Variants in RBFOX3 observed in about 807,000 individuals in gnomAD.
RBFOX3 encodes the protein RNA binding protein fox-1 homolog 3.
Under a neutral mutation model 48.7 loss-of-function variants are expected in RBFOX3, and 17 were observed. The ratio of observed to expected loss-of-function variants is 0.35; its 90% confidence interval spans 0.24 to 0.52. The LOEUF (loss-of-function observed/expected upper bound fraction) is 0.52, where lower values mean the gene tolerates loss of function less well. Ranked by LOEUF, RBFOX3 falls within the 20% of genes least tolerant of loss-of-function variation. RBFOX3 has a pLI of 0.94. For missense variants in RBFOX3, 382 were observed against 497.5 expected, an observed-to-expected ratio of 0.77 and a Z score of 2.21; for synonymous variants, 212 against 209.5, an observed-to-expected ratio of 1.01 and a Z score of -0.10.
chr17:79,138,791 G>GC (rs200757329), intron 4 of RBFOX3, among the ~76,000 whole-genome samples: 7 of 16,346 alleles, frequency 4.3e-4, no homozygotes, highest in Non-Finnish European at 7.3e-4. Flanking sequence ...ATGCCTTCAC[G>GC]CCCCCTTACC....
At chr17:79,310,041 C>T (rs2076628631) in intron 2 of RBFOX3, among the ~76,000 whole-genome samples, 3 of 152,180 alleles carry the variant, frequency 2.0e-5, no homozygotes, top group Admixed American at 1.3e-4. Flanking sequence ...GGAGCTGCTG[C>T]GTGGTCTCCA....
In RBFOX3 at chr17:79,222,678, A is replaced by C. The variant is rs527397294; in HGVS notation, c.-34+13088T>G. ...TTGAGCCCCTCCTCCATGTCCCCCC[A>C]CACACAGCCTTGTCATTGCACATGG... On this transcript the variant is annotated intron_variant, in intron 4 of 14. Coordinates refer to ENST00000693108, the MANE Select transcript of RBFOX3 (RefSeq NM_001350451.2). Among the ~76,000 whole-genome samples the C allele has an allele frequency of 4.1e-3, 620 of 152,280 alleles. 4 individuals are homozygous for C. Among genetic ancestry groups the C allele is most frequent in the African/African-American group, 0.014 (577 of 41,546 alleles).
In RBFOX3 at chr17:79,480,949, C is replaced by T. The variant is rs2078691492; in HGVS notation, c.-175+1505G>A. On this transcript the variant is annotated intron_variant, in intron 2 of 14. Transcript: ENST00000693108. This position sits in a 1 kb window ranked among gnomAD's most constrained non-coding sequence, Gnocchi z 4.8. The stretch of plus-strand genomic sequence containing the variant: ...CGTCTCCAGCACCCCAAACAGGGCT[C>T]AGCACATCGGGGGCTCAAGGTTGTG... Among the ~76,000 whole-genome samples the T allele has an allele frequency of 6.6e-6, 1 of 152,218 alleles. No individual in the cohort carries two copies. The highest frequency in any genetic ancestry group is 6.5e-5 in the Admixed American group (1 of 15,290).
chr17:79,334,943 C>G lies in RBFOX3; in HGVS notation c.-174-27119G>C, dbSNP rs866172702. On this transcript the variant is annotated intron_variant, in intron 2 of 14. Transcript: ENST00000693108. ...CAGCATGCTGGGGGCCTTCCCTTGA[C>G]AAACCTTGGACATTCTGTCTAGAAT... Among the ~76,000 whole-genome samples the G allele has an allele frequency of 1.6e-4, 24 of 152,362 alleles. 1 individual carries two copies. The highest frequency in any genetic ancestry group is 5.3e-4 in the African/African-American group (22 of 41,586).
intron 1 of RBFOX3, among the ~76,000 whole-genome samples, chr17:79,602,255 C>T (rs2145373523): frequency 6.6e-6 from 1 of 152,342 alleles, no homozygotes; most frequent in African/African-American, 2.4e-5. Flanking sequence ...CTGAAGGTTC[C>T]CAGCTGTCAA....
intron 1 of RBFOX3, among the ~76,000 whole-genome samples, chr17:79,574,783 G>C (rs2092802246): frequency 2.0e-5 from 3 of 152,206 alleles, no homozygotes; most frequent in African/African-American, 7.2e-5. Context: ...TGAGAGCGTG[G>C]TGAGCCACTG....
At chr17:79,118,671 C>T (rs2034796873) in intron 4 of RBFOX3, among the ~76,000 whole-genome samples, 1 of 152,044 alleles carries the variant, frequency 6.6e-6, no homozygotes, top group Non-Finnish European at 1.5e-5. Context: ...CCTCCAAGGC[C>T]TGAGAAAGAG....
At chr17:79,444,065 T>C (rs1316377552) in intron 2 of RBFOX3, among the ~76,000 whole-genome samples, 1 of 152,134 alleles carries the variant, frequency 6.6e-6, no homozygotes, top group Admixed American at 6.5e-5. Context: ...AATGCACACC[T>C]GTATGTTCAG....
chr17:79,642,076 G>T, the RBFOX3 span, among the ~76,000 whole-genome samples: 2 of 152,112 alleles, frequency 1.3e-5, no homozygotes, highest in Admixed American at 1.3e-4. Context: ...GAATGGACTA[G>T]TACAAGGACA....
chr17:79,288,277 A>C (rs868052393), intron 3 of RBFOX3, among the ~76,000 whole-genome samples: 1 of 152,166 alleles, frequency 6.6e-6, no homozygotes, highest in Non-Finnish European at 1.5e-5. Flanking sequence ...GAGAAAGGTG[A>C]TCCCTGCCCC....
intron 4 of RBFOX3, among the ~76,000 whole-genome samples, chr17:79,157,163 C>T (rs1313485956): frequency 3.9e-5 from 6 of 152,312 alleles, no homozygotes; most frequent in East Asian, 1.9e-4. Context: ...CTCTCCTTTG[C>T]GTGTCTCACT....
chr17:79,396,237 T>C (rs1458962793), intron 2 of RBFOX3, among the ~76,000 whole-genome samples: 1 of 152,162 alleles, frequency 6.6e-6, no homozygotes, highest in African/African-American at 2.4e-5. Context: ...TGGATCAAAT[T>C]TGGACTGGGC....
chr17:79,591,552 C>T (rs2093416290), intron 1 of RBFOX3, among the ~76,000 whole-genome samples: 2 of 152,298 alleles, frequency 1.3e-5, no homozygotes, highest in African/African-American at 2.4e-5. Flanking sequence ...CAGAAGGTGG[C>T]GGCCACCCCC....
chr17:79,172,745 G>GGGTGTA (rs2049623099), intron 4 of RBFOX3, among the ~76,000 whole-genome samples: 1 of 151,926 alleles, frequency 6.6e-6, no homozygotes. Flanking sequence ...GAGATATTCT[G>GGGTGTA]TTTGTGTAAA....
chr17:79,096,861 C>G, intron 11 of RBFOX3, 28 bp from the exon 12 acceptor site: 1 of 652,758 alleles, frequency 1.5e-6, no homozygotes, highest in South Asian at 1.8e-5. Context: ...TAGAGTAACA[C>G]CCTTGCTGAT....
chr17:79,384,281 C>G (rs535783928), intron 2 of RBFOX3, among the ~76,000 whole-genome samples: 1 of 152,192 alleles, frequency 6.6e-6, no homozygotes, highest in Admixed American at 6.5e-5. Flanking sequence ...CACTGCCAGG[C>G]ACTCTCTGTA....
At chr17:79,544,975 C>CA (rs10584963) in intron 1 of RBFOX3, among the ~76,000 whole-genome samples, 6,493 of 81,452 alleles carry the variant, frequency 0.08, 547 homozygotes, top group African/African-American at 0.24. Flanking sequence ...TCATTAAGGG[C>CA]AAAAAAAAAA....
chr17:79,265,028 C>T (rs948258507), intron 3 of RBFOX3, among the ~76,000 whole-genome samples: 1 of 152,094 alleles, frequency 6.6e-6, no homozygotes, highest in African/African-American at 2.4e-5. Flanking sequence ...CAGAAAGCAG[C>T]CCATGCAGCT....
At position 79,111,594 on chromosome 17, in the gene RBFOX3, C is replaced by T. The variant is rs150583096; in HGVS notation, c.222+3900G>A. ...GGGATTACAGGCACGAGCCACCATGCCCGATTAATTTTTGTATTTTTGTAG... is the reference window on the plus strand; with the variant it reads ...GGGATTACAGGCACGAGCCACCATGTCCGATTAATTTTTGTATTTTTGTAG... On this transcript the variant is annotated intron_variant, in intron 5 of 14. Coordinates refer to ENST00000693108, the MANE Select transcript of RBFOX3 (RefSeq NM_001350451.2). The surrounding 1 kb of genome is among the most constrained non-coding windows in gnomAD (Gnocchi z 4.2). Among the ~76,000 whole-genome samples, 150 of 152,350 alleles carry T rather than the reference C, an allele frequency of 9.8e-4. No individual in the cohort carries two copies. Among genetic ancestry groups the T allele is most frequent in the African/African-American group, 3.6e-3 (148 of 41,580 alleles).
Sources: gnomAD v4.1 joint callset for allele counts (sites outside exome capture counted in the v4.1 genomes callset) on GRCh38, gnomAD v4.1.1 for gene constraint, Gnocchi (gnomAD v3.1) non-coding constraint, MANE v1.5 for transcripts, NCBI Gene and HGNC (gene_info 2026-07-23, HGNC 2026-07-21) for gene names.